PFKFB2: variants seen among roughly 807,000 people sequenced by gnomAD.
The protein encoded by PFKFB2 is 6-phosphofructo-2-kinase/fructose-2,6-biphosphatase 2.
Under a neutral mutation model 68.0 loss-of-function variants are expected in PFKFB2, and 53 were observed. The observed-to-expected ratio is 0.78, with a 90% CI of 0.63 to 0.98. The LOEUF (loss-of-function observed/expected upper bound fraction) is 0.98, where lower values mean the gene tolerates loss of function less well. Ranked by LOEUF, PFKFB2 falls within the 50% of genes least tolerant of loss-of-function variation. The pLI, the probability that PFKFB2 is intolerant of heterozygous loss-of-function variation, is 0.00. For synonymous variants in PFKFB2, 222 were observed against 227.6 expected, an observed-to-expected ratio of 0.98 and a Z score of 0.22; for missense variants, 451 against 642.0, an observed-to-expected ratio of 0.70 and a Z score of 3.22.
In PFKFB2 at chr1:207,065,029, A is replaced by G; in HGVS notation, c.508-7A>G. The G allele has an allele frequency of 6.2e-7, 1 of 1,613,596 alleles. No homozygotes were observed. The highest frequency in any genetic ancestry group is 8.5e-7 in the Non-Finnish European group (1 of 1,179,754). On this transcript the variant is annotated splice_polypyrimidine_tract_variant and splice_region_variant and intron_variant, in intron 7 of 14. Transcript: ENST00000367080. ...GATGAGGCCTTTACTGGTTCCTATGATTTCAGGAGGTTAAGGTATCAAGCC... is the reference window on the plus strand; with the variant it reads ...GATGAGGCCTTTACTGGTTCCTATGGTTTCAGGAGGTTAAGGTATCAAGCC...
chr1:207,062,512 C>T (rs1431128396), intron 3 of PFKFB2, 108 bp from the exon 4 acceptor site: 20 of 1,517,102 alleles, frequency 1.3e-5, no homozygotes, highest in Admixed American at 1.3e-4. Context: ...ACCATGCTGC[C>T]GCTTTTTTCA....
Position 207,072,226 on chromosome 1 carries a change from C to A in PFKFB2, c.1373C>A (p.Thr458Asn). 3 of 1,614,064 alleles carry A rather than the reference C, an allele frequency of 1.9e-6. No homozygotes were observed. The highest frequency in any genetic ancestry group is 2.5e-6 in the Non-Finnish European group (3 of 1,179,974). Residue 458 changes from threonine (T) to asparagine (N), a missense_variant, in exon 15 of 15, where the codon ACC becomes AAC. Physicochemically the swap from Thr to Asn is moderately conservative, Grantham distance 65. Transcript: ENST00000367080. ...CAGAACAACTTCCCCAAGAACCAAACCCCTGTAAGGATGAGAAGGAACAGC... is the reference window on the plus strand; with the variant it reads ...CAGAACAACTTCCCCAAGAACCAAAACCCTGTAAGGATGAGAAGGAACAGC... ...KPTNNFPKNQ[T>N]PVRMRRNSFT...
downstream of PFKFB2, chr1:207,077,938 C>T (rs1683675250): frequency 6.8e-6 from 2 of 294,838 alleles, no homozygotes; most frequent in Non-Finnish European, 1.0e-5. Flanking sequence ...AACAGAAGTT[C>T]GCACTGTAAT....
chr1:207,058,649 T>C (rs1415155282), intron 2 of PFKFB2, among the ~76,000 whole-genome samples: 1 of 152,174 alleles, frequency 6.6e-6, no homozygotes, highest in Non-Finnish European at 1.5e-5. Context: ...GACCGGGTTA[T>C]GAGACTGGCT....
intron 10 of PFKFB2, among the ~76,000 whole-genome samples, chr1:207,068,621 AAAAT>A (rs1315601029): frequency 4.6e-5 from 7 of 152,334 alleles, no homozygotes; most frequent in African/African-American, 1.4e-4. Flanking sequence ...CCTCCTGGGA[AAAAT>A]AAATAGCTAA....
At chr1:207,055,645 A>G (rs1682897071) in intron 2 of PFKFB2, among the ~76,000 whole-genome samples, 1 of 148,230 alleles carries the variant, frequency 6.7e-6, no homozygotes, top group Non-Finnish European at 1.5e-5. Context: ...CAGTGGTTAT[A>G]TATATATATA....
chr1:207,062,181 T>A, intron 3 of PFKFB2, 103 bp downstream of exon 3: 1 of 1,472,452 alleles, frequency 6.8e-7, no homozygotes, highest in Non-Finnish European at 9.3e-7. Flanking sequence ...AGGGTGCTTT[T>A]GGCAGAAATA....
chr1:207,040,815 A>G (rs1682461663), intron 1 of PFKFB2, among the ~76,000 whole-genome samples: 1 of 152,184 alleles, frequency 6.6e-6, no homozygotes, highest in Non-Finnish European at 1.5e-5. Context: ...CCTTCGCCAC[A>G]TAACTAAGAG....
In PFKFB2 at chr1:207,070,166, G is replaced by C; in HGVS notation, c.1093-114G>C. 1 of 1,274,292 alleles carries C rather than the reference G, an allele frequency of 7.8e-7. No homozygotes were observed. The highest frequency in any genetic ancestry group is 1.5e-5 in the African/African-American group (1 of 67,562). The allele number at this position is 1,274,292 out of a possible 1,614,324, so 78.9% of individuals were successfully genotyped here. A position where few individuals can be genotyped will look rare whatever the true frequency, so the allele number is the denominator to read the frequency against. On this transcript the variant is annotated intron_variant, in intron 11 of 14. Transcript: ENST00000367080. The surrounding 1 kb of genome is among the most constrained non-coding windows in gnomAD (Gnocchi z 4.2). Reference sequence around the variant, plus strand: ...TGATGTAAACTCACTGAGCCTCCAGGAGGAAAGCCAGCTGAGGAAGAAGAA... The same window carrying C: ...TGATGTAAACTCACTGAGCCTCCAGCAGGAAAGCCAGCTGAGGAAGAAGAA...
chr1:207,054,983 G>A, intron 2 of PFKFB2, 181 bp downstream of exon 2: 1 of 554,216 alleles, frequency 1.8e-6, no homozygotes, highest in South Asian at 2.0e-5. Context: ...TGAAATGTCT[G>A]TTCTTGGGGC....
At chr1:207,059,555 C>A (rs1390908039) in intron 2 of PFKFB2, among the ~76,000 whole-genome samples, 1 of 152,148 alleles carries the variant, frequency 6.6e-6, no homozygotes, top group African/African-American at 2.4e-5. Flanking sequence ...CCTATTTGAA[C>A]ACAGATGAAA....
In PFKFB2 at chr1:207,063,493, C is replaced by T; in HGVS notation, c.450+72C>T. Reference sequence around the variant, plus strand: ...GGAGTCAGGCTACAGGCATGGATCTCTCACTCTAGTGGGTGAGGACAGGAT... The same window carrying T: ...GGAGTCAGGCTACAGGCATGGATCTTTCACTCTAGTGGGTGAGGACAGGAT... On this transcript the variant is annotated intron_variant, in intron 6 of 14. Transcript: ENST00000367080. This position sits in a 1 kb window ranked among gnomAD's most constrained non-coding sequence, Gnocchi z 4.1. The T allele has an allele frequency of 9.8e-7, 1 of 1,015,750 alleles. No homozygotes were observed. The highest frequency in any genetic ancestry group is 1.5e-6 in the Non-Finnish European group (1 of 649,472). The allele number at this position is 1,015,750 out of a possible 1,614,324, so 62.9% of individuals were successfully genotyped here. A position where few individuals can be genotyped will look rare whatever the true frequency, so the allele number is the denominator to read the frequency against.
rs528880288 is a variant in PFKFB2, at chr1:207,062,169, A to G, written c.211+91A>G. ...ACTTATTCTTCCTGGCATCAATGCTATAGGGTGCTTTTGGCAGAAATAGCA... is the reference window on the plus strand; with the variant it reads ...ACTTATTCTTCCTGGCATCAATGCTGTAGGGTGCTTTTGGCAGAAATAGCA... On this transcript the variant is annotated intron_variant, in intron 3 of 14. Transcript: ENST00000367080. The G allele has an allele frequency of 3.9e-6, 6 of 1,547,006 alleles. No individual in the cohort carries two copies. The South Asian group carries it at 4.6e-5, about 12-fold the overall frequency.
rs571365522 is a variant in PFKFB2, at chr1:207,066,803, G to A, written c.633-696G>A. Among the ~76,000 whole-genome samples the A allele has an allele frequency of 7.3e-4, 111 of 152,072 alleles. 2 individuals carry two copies. In the South Asian group the frequency reaches 0.023, roughly 31 times the overall value. ...TGAGTAGCTGGGATTACAGGCACCC[G>A]CCACCACGCCCGGCTAATTTTTTTA... is the stretch of plus-strand genomic sequence containing the variant. On this transcript the variant is annotated intron_variant, in intron 8 of 14. Coordinates refer to ENST00000367080, the MANE Select transcript of PFKFB2 (RefSeq NM_006212.2).
At chr1:207,045,657 C>T (rs1682583692) in intron 2 of PFKFB2, 1 of 150,616 alleles carries the variant, frequency 6.6e-6, no homozygotes, top group African/African-American at 2.4e-5. Context: ...ATTTTTTTTC[C>T]CAAAAAGATG....
In PFKFB2 at chr1:207,074,538, C is replaced by T. The variant is rs957140008; in HGVS notation, c.*2167C>T. ...CTGACTCCTGACCCCGGGTCCTTTACTCGTATGTCCCAAGTAGGATACCAT... is the reference window on the plus strand; with the variant it reads ...CTGACTCCTGACCCCGGGTCCTTTATTCGTATGTCCCAAGTAGGATACCAT... On this transcript the variant is annotated 3_prime_UTR_variant, in exon 15 of 15. Transcript: ENST00000367080. 1.0e-6 allele frequency: 1 copy of T among 985,396 alleles called. No homozygotes were observed. Among genetic ancestry groups the T allele is most frequent in the Non-Finnish European group, 1.2e-6 (1 of 829,934 alleles). 61.0% of individuals were successfully genotyped at this position (985,396 alleles called of 1,614,324 possible).
At chr1:207,065,695 G>C (rs1683267048) in intron 8 of PFKFB2, among the ~76,000 whole-genome samples, 2 of 152,122 alleles carry the variant, frequency 1.3e-5, no homozygotes, top group South Asian at 4.1e-4. Flanking sequence ...AGTCTCTAGA[G>C]CATGATTTCC....
In PFKFB2 at chr1:207,069,426, T is replaced by A; in HGVS notation, c.990T>A (p.Gly330=). Residue 330 remains glycine (G), a splice_region_variant and synonymous_variant, in exon 11 of 15, where the codon GGT becomes GGA. Coordinates refer to ENST00000367080, the MANE Select transcript of PFKFB2 (RefSeq NM_006212.2). ...QWKILNEIDA[G]VCEEMTYAEI... is the part of the protein sequence containing the mutation. ...CAGCTTCAAGTGGCTTTTTGCAGGGTGTGTGTGAAGAGATGACCTATGCAG... is the reference window on the plus strand; with the variant it reads ...CAGCTTCAAGTGGCTTTTTGCAGGGAGTGTGTGAAGAGATGACCTATGCAG... 6.2e-7 allele frequency: 1 copy of A among 1,611,026 alleles called. No homozygotes were observed. Among genetic ancestry groups the A allele is most frequent in the Non-Finnish European group, 8.5e-7 (1 of 1,177,394 alleles).
In PFKFB2 at chr1:207,077,042, C is replaced by T; in HGVS notation, c.*4671C>T. The T allele has an allele frequency of 1.0e-6, 1 of 984,334 alleles. No homozygotes were observed. The highest frequency in any genetic ancestry group is 1.2e-6 in the Non-Finnish European group (1 of 828,930). 61.0% of individuals were successfully genotyped at this position (984,334 alleles called of 1,614,324 possible). ...GTGGCCAAATTCTCATTATTTTGTA[C>T]AAGATAAAGGTTATGCATCACTTTT... On this transcript the variant is annotated 3_prime_UTR_variant, in exon 15 of 15. Coordinates refer to ENST00000367080, the MANE Select transcript of PFKFB2 (RefSeq NM_006212.2).
Sources: allele counts gnomAD v4.1 joint callset (sites outside exome capture counted in the v4.1 genomes callset), GRCh38; gene constraint gnomAD v4.1.1; non-coding constraint Gnocchi (gnomAD v3.1); transcripts MANE v1.5; gene names NCBI Gene and HGNC (gene_info 2026-07-23, HGNC 2026-07-21).